NCAM1: variants seen among roughly 807,000 people sequenced by gnomAD.
The protein encoded by NCAM1 is antigen recognized by monoclonal antibody 5.1H11.
Under a neutral mutation model 109.8 loss-of-function variants are expected in NCAM1, and 14 were observed. The observed-to-expected ratio is 0.13, with a 90% CI of 0.08 to 0.20. NCAM1 has a LOEUF of 0.20. Among genes scored for constraint, NCAM1 ranks in the 10% least tolerant of loss-of-function variants. The pLI, the probability that NCAM1 is intolerant of heterozygous loss-of-function variation, is 1.00. For synonymous variants in NCAM1, 418 were observed against 442.9 expected (o/e 0.94, Z 0.70); for missense variants, 774 against 1,109.9 (o/e 0.70, Z 4.30).
chr11:112,970,432 T>C (rs1950847538), intron 1 of NCAM1, among the ~76,000 whole-genome samples: 1 of 152,156 alleles, frequency 6.6e-6, no homozygotes, highest in African/African-American at 2.4e-5. Flanking sequence ...AACTAGATGA[T>C]ACTAGGAGAA....
intron 17 of NCAM1, chr11:113,264,676 T>C: frequency 1.0e-6 from 1 of 985,468 alleles, no homozygotes; most frequent in Non-Finnish European, 1.2e-6. Flanking sequence ...AGAGGGGCAG[T>C]GTCCATCTTT....
intron 1 of NCAM1, among the ~76,000 whole-genome samples, chr11:113,036,267 C>G (rs1952880247): frequency 6.6e-6 from 1 of 152,156 alleles, no homozygotes; most frequent in Admixed American, 6.5e-5. Context: ...TTTCTGGAGT[C>G]CTTATTACCC....
At chr11:112,994,753 A>G (rs1420375189) in intron 1 of NCAM1, among the ~76,000 whole-genome samples, 4 of 152,152 alleles carry the variant, frequency 2.6e-5, no homozygotes, top group African/African-American at 9.7e-5. Context: ...CCTAAGCTGT[A>G]GGTCCCCCAA....
At chr11:113,124,417 C>T (rs539397850) in intron 1 of NCAM1, among the ~76,000 whole-genome samples, 2 of 152,038 alleles carry the variant, frequency 1.3e-5, no homozygotes, top group East Asian at 3.9e-4. Flanking sequence ...GACTCTGCTG[C>T]ACAGCTAAAG....
At chr11:113,202,539 G>T in intron 2 of NCAM1, 86 bp downstream of exon 2, 1 of 1,215,800 alleles carries the variant, frequency 8.2e-7, no homozygotes, top group Non-Finnish European at 1.1e-6. Flanking sequence ...ATGTGAGCTG[G>T]CTGGTCAAGC....
intron 1 of NCAM1, among the ~76,000 whole-genome samples, chr11:112,983,420 A>ATT (rs11396766): frequency 1.7e-4 from 25 of 150,564 alleles, no homozygotes; most frequent in Admixed American, 6.0e-4. Flanking sequence ...AAAAATTTGG[A>ATT]TTTTTTTTTT....
At chr11:113,121,443 A>G (rs1181929837) in intron 1 of NCAM1, among the ~76,000 whole-genome samples, 2 of 142,006 alleles carry the variant, frequency 1.4e-5, no homozygotes, top group African/African-American at 5.3e-5. Context: ...CTGGTCTCGA[A>G]CTCCTGACCT....
chr11:113,225,893 G>A (rs954007365), intron 9 of NCAM1, among the ~76,000 whole-genome samples: 6 of 152,138 alleles, frequency 3.9e-5, no homozygotes, highest in Non-Finnish European at 7.3e-5. Flanking sequence ...GAGAGATTTT[G>A]TCACCACCAG....
At chr11:112,993,658 T>A (rs1426224134) in intron 1 of NCAM1, among the ~76,000 whole-genome samples, 1 of 152,222 alleles carries the variant, frequency 6.6e-6, no homozygotes, top group Non-Finnish European at 1.5e-5. Context: ...CAATAACATC[T>A]ACATTTTGTT....
At chr11:113,132,546 A>G (rs1485188193) in intron 1 of NCAM1, among the ~76,000 whole-genome samples, 1 of 151,660 alleles carries the variant, frequency 6.6e-6, no homozygotes, top group Non-Finnish European at 1.5e-5. Flanking sequence ...TCCTAGGCTC[A>G]GCCGCACAGC....
chr11:113,001,870 G>A (rs1376031928), intron 1 of NCAM1, among the ~76,000 whole-genome samples: 5 of 152,126 alleles, frequency 3.3e-5, no homozygotes, highest in Admixed American at 2.6e-4. Context: ...GATAGATGAT[G>A]TCATCAGGAC....
intron 1 of NCAM1, among the ~76,000 whole-genome samples, chr11:113,147,874 G>A (rs2136242457): frequency 6.6e-6 from 1 of 152,308 alleles, no homozygotes; most frequent in Middle Eastern, 3.4e-3. Context: ...ACGGTTCAGA[G>A]GGTATAAGTT....
At chr11:113,012,074 A>G (rs781906934) in intron 1 of NCAM1, among the ~76,000 whole-genome samples, 1 of 147,564 alleles carries the variant, frequency 6.8e-6, no homozygotes, top group Non-Finnish European at 1.5e-5. Context: ...GCTGGAGTGC[A>G]GTGGCGCGAT....
chr11:113,181,260 CT>C (rs1943321412), intron 1 of NCAM1, among the ~76,000 whole-genome samples: 1 of 152,200 alleles, frequency 6.6e-6, no homozygotes, highest in Non-Finnish European at 1.5e-5. Context: ...TGGTTCCAAG[CT>C]GCCCACTCTC....
At position 113,214,536 on chromosome 11, in the gene NCAM1, G is replaced by T. The variant is rs373827595; in HGVS notation, c.1059+25G>T. 181 of 1,582,216 alleles carry T rather than the reference G, an allele frequency of 1.1e-4. No individual in the cohort carries two copies. In the African/African-American group the frequency reaches 1.2e-3, roughly 10 times the overall value. ...GGTATCATGCTCCCCAGGAGTTTCA[G>T]GGCCTTGGAATGCAGACTCAAAGCA... On this transcript the variant is annotated intron_variant, in intron 8 of 19. Transcript: ENST00000316851.
chr11:113,077,477 TAC>T (rs1938579742), intron 1 of NCAM1, among the ~76,000 whole-genome samples: 1 of 152,226 alleles, frequency 6.6e-6, no homozygotes. Context: ...GGGATCCAGC[TAC>T]AGAGTATCAG....
At chr11:113,202,291 T>C (rs1944086832) in intron 1 of NCAM1, 88 bp from the exon 2 acceptor site, 1 of 1,310,288 alleles carries the variant, frequency 7.6e-7, no homozygotes, top group South Asian at 1.4e-5. Flanking sequence ...CTGGGTTTCA[T>C]TCTTGAACAT....
chr11:113,262,783 A>G, intron 17 of NCAM1: 2 of 1,568,932 alleles, frequency 1.3e-6, no homozygotes, highest in Middle Eastern at 1.7e-4. Flanking sequence ...GGACATCCCC[A>G]CTGCCACATT....
chr11:113,081,079 G>A (rs2135674463), intron 1 of NCAM1, among the ~76,000 whole-genome samples: 1 of 152,320 alleles, frequency 6.6e-6, no homozygotes, highest in African/African-American at 2.4e-5. Context: ...CTCAACATCA[G>A]AAGGTAGTGT....
Sources: allele counts gnomAD v4.1 joint callset (sites outside exome capture counted in the v4.1 genomes callset), GRCh38; gene constraint gnomAD v4.1.1; transcripts MANE v1.5; gene names NCBI Gene and HGNC (gene_info 2026-07-23, HGNC 2026-07-21).